The following ZFAND3 variants were observed in gnomAD, a reference collection of about 807,000 sequenced individuals.
ZFAND3 encodes the protein AN1-type zinc finger protein 3.
ZFAND3 carries 10 observed loss-of-function variants against 29.6 expected under a neutral mutation model. That is an observed-to-expected ratio of 0.34 (90% confidence interval 0.21 to 0.57). ZFAND3 has a LOEUF of 0.57. ZFAND3 is among the 20% of genes least tolerant of loss of function. The probability of loss-of-function intolerance (pLI) is 0.86; values close to 1 mark genes in which losing one functional copy is unlikely to be tolerated. For missense variants in ZFAND3, 230 were observed against 304.5 expected, an observed-to-expected ratio of 0.76 and a Z score of 1.82; for synonymous variants, 128 against 112.6, an observed-to-expected ratio of 1.14 and a Z score of -0.87.
intron 2 of ZFAND3, among the ~76,000 whole-genome samples, chr6:37,992,452 T>G (rs1581820333): frequency 1.3e-5 from 2 of 152,206 alleles, no homozygotes; most frequent in East Asian, 1.9e-4. Context: ...TGAATTCCTA[T>G]GTATCTTTCA....
intron 1 of ZFAND3, among the ~76,000 whole-genome samples, chr6:37,824,171 C>T (rs144116635): frequency 2.6e-5 from 4 of 152,288 alleles, no homozygotes; most frequent in African/African-American, 4.8e-5. Context: ...TTTCTTGGCT[C>T]ATTTTAGGCA....
intron 1 of ZFAND3, among the ~76,000 whole-genome samples, chr6:37,857,514 G>GT (rs1200251278): frequency 1.3e-5 from 2 of 152,106 alleles, no homozygotes; most frequent in Non-Finnish European, 2.9e-5. Flanking sequence ...GCATGGGGCA[G>GT]TTTTTTTGGA....
In ZFAND3 at chr6:37,941,846, C is replaced by T. The variant is rs1482404132; in HGVS notation, c.112+11847C>T. The stretch of plus-strand genomic sequence containing the variant: ...AAAAAAACTCCTGTTTTGTTGTATC[C>T]ATATTTATCAGTTTGGTTGAGTTAT... On this transcript the variant is annotated intron_variant, in intron 2 of 5. Transcript: ENST00000287218. Among the ~76,000 whole-genome samples the T allele has an allele frequency of 2.0e-5, 3 of 152,084 alleles. No homozygotes were observed. The East Asian group carries it at 5.8e-4, about 29-fold the overall frequency.
Position 38,096,267 on chromosome 6 carries a change from G to A in ZFAND3, c.361+13810G>A, listed in dbSNP as rs1764977068. Among the ~76,000 whole-genome samples, 4 of 151,766 alleles carry A rather than the reference G, an allele frequency of 2.6e-5. No individual in the cohort carries two copies. In the South Asian group the frequency reaches 8.3e-4, roughly 32 times the overall value. ...GGCTCACTGCAACCTCCGCCTCTCG[G>A]GTTTAAGCGATTCTCCTGCCTGAGC... On this transcript the variant is annotated intron_variant, in intron 4 of 5. Transcript: ENST00000287218.
At chr6:37,864,932 C>T (rs1461913648) in intron 1 of ZFAND3, among the ~76,000 whole-genome samples, 1 of 152,146 alleles carries the variant, frequency 6.6e-6, no homozygotes, top group African/African-American at 2.4e-5. Flanking sequence ...GTAATCCCAG[C>T]ACTTTGGGAG....
At chr6:37,983,546 A>G (rs2645120) in intron 2 of ZFAND3, among the ~76,000 whole-genome samples, 48,580 of 151,476 alleles carry the variant, frequency 0.32, 8,213 homozygotes, top group Non-Finnish European at 0.38. Context: ...TTTAGTAGAG[A>G]TGGAGTTCCT....
intron 1 of ZFAND3, among the ~76,000 whole-genome samples, chr6:37,920,210 G>A (rs1467050596): frequency 6.6e-6 from 1 of 151,844 alleles, no homozygotes; most frequent in Non-Finnish European, 1.5e-5. Context: ...TATATAGTGG[G>A]ACAGTTGCAA....
At chr6:37,996,390 G>T (rs1002381262) in intron 2 of ZFAND3, among the ~76,000 whole-genome samples, 7 of 152,062 alleles carry the variant, frequency 4.6e-5, no homozygotes, top group Non-Finnish European at 8.8e-5. Flanking sequence ...TATCACAAAA[G>T]TATAAGTGTC....
chr6:38,107,949 G>T (rs549411126), intron 4 of ZFAND3, among the ~76,000 whole-genome samples: 2 of 151,434 alleles, frequency 1.3e-5, no homozygotes, highest in South Asian at 4.2e-4. Flanking sequence ...AAAAGCTCAC[G>T]TTATTTGAAT....
intron 2 of ZFAND3, among the ~76,000 whole-genome samples, chr6:37,946,108 A>G (rs1435375529): frequency 6.6e-6 from 1 of 152,190 alleles, no homozygotes; most frequent in Non-Finnish European, 1.5e-5. Context: ...AATACAGGGT[A>G]TTCATTGTGG....
rs111896496 is a variant in ZFAND3 at position 38,145,872 on chromosome 6, C to T, written c.530-6363C>T. 4.2e-4 allele frequency among the ~76,000 whole-genome samples: 63 copies of T among 151,410 alleles called. 1 individual carries two copies. The highest frequency in any genetic ancestry group is 7.9e-4 in the Admixed American group (12 of 15,246). On this transcript the variant is annotated intron_variant, in intron 5 of 5. Transcript: ENST00000287218. ...AATACCTGTCCTTCCGAGAGAAGTGCCCCTACCCCCTGCCTCTCTATTCCG... is the reference window on the plus strand; with the variant it reads ...AATACCTGTCCTTCCGAGAGAAGTGTCCCTACCCCCTGCCTCTCTATTCCG...
intron 2 of ZFAND3, among the ~76,000 whole-genome samples, chr6:37,946,608 G>A (rs1761906550): frequency 6.6e-6 from 1 of 152,070 alleles, no homozygotes; most frequent in Non-Finnish European, 1.5e-5. Flanking sequence ...GGGGGAGAGG[G>A]AAGCATTAAT....
At chr6:37,851,935 C>T (rs1376765689) in intron 1 of ZFAND3, among the ~76,000 whole-genome samples, 1 of 152,140 alleles carries the variant, frequency 6.6e-6, no homozygotes, top group Non-Finnish European at 1.5e-5. Flanking sequence ...GGCACAGAAA[C>T]AATAGCTGAT....
At chr6:37,835,062 T>G (rs1763942146) in intron 1 of ZFAND3, among the ~76,000 whole-genome samples, 1 of 152,216 alleles carries the variant, frequency 6.6e-6, no homozygotes, top group African/African-American at 2.4e-5. Flanking sequence ...CTTTTTTCAT[T>G]GGCCATTTGG....
chr6:37,819,822 C>G lies in ZFAND3; in HGVS notation c.-124C>G. On this transcript the variant is annotated 5_prime_UTR_variant, in exon 1 of 6. Transcript: ENST00000287218. ...CCCGGACTCGCGCCCGCCCGCGCGC[C>G]CGCTCCTTCCCCCTCCCCCCGCCCC... 1 of 614,364 alleles carries G rather than the reference C, an allele frequency of 1.6e-6. No individual in the cohort carries two copies. Among genetic ancestry groups the G allele is most frequent in the Non-Finnish European group, 2.1e-6 (1 of 469,164 alleles). The allele number at this position is 614,364 out of a possible 1,614,324, so 38.1% of individuals were successfully genotyped here. A position where few individuals can be genotyped will look rare whatever the true frequency, so the allele number is the denominator to read the frequency against.
At chr6:37,891,830 G>A (rs1561924237) in intron 1 of ZFAND3, among the ~76,000 whole-genome samples, 1 of 152,006 alleles carries the variant, frequency 6.6e-6, no homozygotes, top group Non-Finnish European at 1.5e-5. Flanking sequence ...CCAGATTCAA[G>A]CGATTCTCCT....
At chr6:38,027,028 C>G (rs1012855794) in intron 2 of ZFAND3, among the ~76,000 whole-genome samples, 3 of 152,140 alleles carry the variant, frequency 2.0e-5, no homozygotes, top group Non-Finnish European at 4.4e-5. Flanking sequence ...CTATTCCGTT[C>G]CCTAAATATT....
rs1766249173 is a variant in ZFAND3, at chr6:38,152,484, C to T, written c.*95C>T. 7 of 1,404,166 alleles carry T rather than the reference C, an allele frequency of 5.0e-6. No homozygotes were observed. Among genetic ancestry groups the T allele is most frequent in the East Asian group, 2.6e-5 (1 of 38,046 alleles). 87.0% of individuals were successfully genotyped at this position (1,404,166 alleles called of 1,614,324 possible). A position where few individuals can be genotyped will look rare whatever the true frequency, so the allele number is the denominator to read the frequency against. On this transcript the variant is annotated 3_prime_UTR_variant, in exon 6 of 6. Transcript: ENST00000287218. ...AGCCAGACACCTTGTACTGGGCACG[C>T]GTCAGACTGCAGCCAGTCCGTTTCC...
chr6:37,827,328 C>T (rs779339218), intron 1 of ZFAND3, among the ~76,000 whole-genome samples: 3 of 152,184 alleles, frequency 2.0e-5, no homozygotes, highest in Non-Finnish European at 2.9e-5. Context: ...GCAACCTCAG[C>T]GGCTTGTACA....
Sources: allele counts gnomAD v4.1 joint callset (sites outside exome capture counted in the v4.1 genomes callset), GRCh38; gene constraint gnomAD v4.1.1; transcripts MANE v1.5; gene names NCBI Gene and HGNC (gene_info 2026-07-23, HGNC 2026-07-21).